Variants in SPATA16 observed in about 807,000 individuals in gnomAD.
SPATA16 encodes spermatogenesis-associated protein 16.
SPATA16 carries 36 observed loss-of-function variants against 63.3 expected under a neutral mutation model. The ratio of observed to expected loss-of-function variants is 0.57; its 90% confidence interval spans 0.44 to 0.75. SPATA16 has a LOEUF of 0.75. Ranked by LOEUF, SPATA16 falls within the 30% of genes least tolerant of loss-of-function variation. SPATA16 has a pLI of 0.00. For missense variants in SPATA16, 646 were observed against 679.3 expected (o/e 0.95, Z 0.54); for synonymous variants, 203 against 216.7 (o/e 0.94, Z 0.56).
chr3:172,936,902 G>T (rs1362022960), intron 6 of SPATA16, among the ~76,000 whole-genome samples: 1 of 151,918 alleles, frequency 6.6e-6, no homozygotes, highest in Non-Finnish European at 1.5e-5. Context: ...GTAGAGATAG[G>T]GTTTCACCAT....
chr3:172,967,609 A>G (rs1301773470), intron 5 of SPATA16, among the ~76,000 whole-genome samples: 5 of 152,216 alleles, frequency 3.3e-5, no homozygotes, highest in Non-Finnish European at 5.9e-5. Context: ...GCAGGAGGTG[A>G]GTGGCGGGCC....
At chr3:173,069,772 A>G (rs769809493) in intron 2 of SPATA16, among the ~76,000 whole-genome samples, 1 of 152,226 alleles carries the variant, frequency 6.6e-6, no homozygotes, top group Non-Finnish European at 1.5e-5. Flanking sequence ...CAACACATTA[A>G]AAAGATCATT....
chr3:172,994,207 C>T (rs1302802992), intron 4 of SPATA16, among the ~76,000 whole-genome samples: 1 of 152,024 alleles, frequency 6.6e-6, no homozygotes, highest in Non-Finnish European at 1.5e-5. Context: ...TAGGGAGCCC[C>T]CTTTGGAAGA....
At chr3:172,966,288 G>T (rs1733918314) in intron 5 of SPATA16, among the ~76,000 whole-genome samples, 1 of 152,192 alleles carries the variant, frequency 6.6e-6, no homozygotes, top group Non-Finnish European at 1.5e-5. Context: ...CATCTTATAT[G>T]AACGTTACAG....
intron 10 of SPATA16, among the ~76,000 whole-genome samples, chr3:172,902,343 T>C (rs1732142814): frequency 6.6e-6 from 1 of 152,080 alleles, no homozygotes. Flanking sequence ...CGCCCAGCCA[T>C]GTCTAGGGAT....
chr3:173,062,755 C>T (rs1486000197), intron 2 of SPATA16, among the ~76,000 whole-genome samples: 1 of 152,176 alleles, frequency 6.6e-6, no homozygotes, highest in Non-Finnish European at 1.5e-5. Flanking sequence ...AGACTGGTTT[C>T]CTGGAAGACA....
intron 2 of SPATA16, among the ~76,000 whole-genome samples, chr3:173,061,996 G>T (rs1736390923): frequency 6.7e-6 from 1 of 148,876 alleles, no homozygotes; most frequent in Non-Finnish European, 1.5e-5. Context: ...ACAGTAAAAA[G>T]TAATTAATCA....
At chr3:172,996,525 T>A (rs910377758) in intron 4 of SPATA16, among the ~76,000 whole-genome samples, 3 of 152,074 alleles carry the variant, frequency 2.0e-5, no homozygotes, top group African/African-American at 7.2e-5. Context: ...CAAAGCAAAA[T>A]TGAGTGGAAA....
intron 2 of SPATA16, among the ~76,000 whole-genome samples, chr3:173,055,043 A>G (rs955858546): frequency 1.3e-5 from 2 of 152,228 alleles, no homozygotes; most frequent in Non-Finnish European, 2.9e-5. Context: ...AAAATGTTTG[A>G]TGTTATTCAT....
intron 3 of SPATA16, among the ~76,000 whole-genome samples, chr3:173,045,866 G>A (rs1035776901): frequency 6.6e-6 from 1 of 151,794 alleles, no homozygotes; most frequent in African/African-American, 2.4e-5. Context: ...TATTTAATAA[G>A]TTTTTTAAAA....
At chr3:173,009,811 A>T (rs2108270687) in intron 4 of SPATA16, among the ~76,000 whole-genome samples, 1 of 152,382 alleles carries the variant, frequency 6.6e-6, no homozygotes, top group Non-Finnish European at 1.5e-5. Flanking sequence ...AAAAGCAGAG[A>T]TTTATTGTAA....
intron 5 of SPATA16, among the ~76,000 whole-genome samples, chr3:172,969,804 G>A (rs981644206): frequency 4.6e-5 from 7 of 152,168 alleles, no homozygotes; most frequent in African/African-American, 1.4e-4. Context: ...CGTGTGGCTT[G>A]CTTTGGCTAA....
chr3:173,046,933 C>A (rs1285115003), intron 3 of SPATA16, among the ~76,000 whole-genome samples: 1 of 151,854 alleles, frequency 6.6e-6, no homozygotes. Context: ...ACATTTCTTA[C>A]TTAATGTTCA....
rs140557995 is a variant in SPATA16 at position 173,087,269 on chromosome 3, A to G, written c.612+29851T>C. Among the ~76,000 whole-genome samples, 343 of 152,252 alleles carry G rather than the reference A, an allele frequency of 2.3e-3. 4 individuals are homozygous for G. Among genetic ancestry groups the G allele is most frequent in the African/African-American group, 7.7e-3 (320 of 41,566 alleles). On this transcript the variant is annotated intron_variant, in intron 2 of 10. Coordinates refer to ENST00000351008, the MANE Select transcript of SPATA16 (RefSeq NM_031955.6). ...TTTGTTGTTGAATTGAGCCCATTACATTAATGCAATGCCCGTCTTTGTCTT... is the reference window on the plus strand; with the variant it reads ...TTTGTTGTTGAATTGAGCCCATTACGTTAATGCAATGCCCGTCTTTGTCTT...
At chr3:173,139,011 T>C (rs1333052616) in intron 1 of SPATA16, among the ~76,000 whole-genome samples, 1 of 152,204 alleles carries the variant, frequency 6.6e-6, no homozygotes, top group Admixed American at 6.5e-5. Flanking sequence ...ATTTTCCCCA[T>C]CATATAGGGA....
At chr3:172,996,444 G>A (rs71310531) in intron 4 of SPATA16, among the ~76,000 whole-genome samples, 10,054 of 152,046 alleles carry the variant, frequency 0.066, 498 homozygotes, top group East Asian at 0.12. Context: ...ACTAGTGGAT[G>A]TTTTAAAAAT....
chr3:172,959,253 G>A (rs563105110), intron 5 of SPATA16, among the ~76,000 whole-genome samples: 1 of 152,284 alleles, frequency 6.6e-6, no homozygotes, highest in Non-Finnish European at 1.5e-5. Flanking sequence ...ATCTCACAGT[G>A]GGGATGGTAA....
At chr3:173,012,753 C>T (rs1043488550) in intron 4 of SPATA16, among the ~76,000 whole-genome samples, 4 of 152,274 alleles carry the variant, frequency 2.6e-5, no homozygotes, top group South Asian at 4.1e-4. Context: ...GGACCACTAC[C>T]TTTCACCATA....
intron 2 of SPATA16, among the ~76,000 whole-genome samples, chr3:173,074,332 TGTGTCCCCATC>T (rs1577161078): frequency 6.6e-6 from 1 of 152,164 alleles, no homozygotes; most frequent in Non-Finnish European, 1.5e-5. Context: ...ATGGTTTGGC[TGTGTCCCCATC>T]CAAATCTTAT....
Sources: allele counts gnomAD v4.1 joint callset (sites outside exome capture counted in the v4.1 genomes callset), GRCh38; gene constraint gnomAD v4.1.1; transcripts MANE v1.5; gene names NCBI Gene and HGNC (gene_info 2026-07-23, HGNC 2026-07-21).